Variants in CACNA1H observed in about 807,000 individuals in gnomAD.
The protein encoded by CACNA1H is calcium voltage-gated channel subunit alpha1 H.
CACNA1H carries 149 observed loss-of-function variants against 192.5 expected under a neutral mutation model. The ratio of observed to expected loss-of-function variants is 0.77; its 90% CI spans 0.68 to 0.89. The LOEUF (loss-of-function observed/expected upper bound fraction) is 0.89. Ranked by LOEUF, CACNA1H falls within the 40% of genes least tolerant of loss-of-function variation. CACNA1H has a pLI of 0.00. For synonymous variants in CACNA1H, 2,202 were observed against 1,475.2 expected, an observed-to-expected ratio of 1.49 and a Z score of -11.29; for missense variants, 4,257 against 3,423.5, an observed-to-expected ratio of 1.24 and a Z score of -6.08.
intron 19 of CACNA1H, 33 bp downstream of exon 19, chr16:1,210,526 C>G (rs774661206): frequency 1.2e-6 from 2 of 1,610,884 alleles, no homozygotes; most frequent in Non-Finnish European, 1.7e-6. Flanking sequence ...CCCGGGCCAC[C>G]ACGACCCCCA....
chr16:1,179,206 C>T (rs1432587801), intron 2 of CACNA1H, among the ~76,000 whole-genome samples: 2 of 152,196 alleles, frequency 1.3e-5, no homozygotes, highest in Non-Finnish European at 2.9e-5. Context: ...TTATCTGACG[C>T]GCCTCCCGGG....
At position 1,183,781 on chromosome 16, in the gene CACNA1H, C is replaced by T. The variant is rs559782210; in HGVS notation, c.300-11191C>T. 6.7e-4 allele frequency among the ~76,000 whole-genome samples: 102 copies of T among 152,360 alleles called. 1 individual carries two copies. The highest frequency in any genetic ancestry group is 2.1e-4 in the South Asian group (1 of 4,824). On this transcript the variant is annotated intron_variant, in intron 2 of 34. Coordinates refer to ENST00000348261, the MANE Select transcript of CACNA1H (RefSeq NM_021098.3). ...GCACATGCGTATACACGGGTGAGCA[C>T]GTGACCTGGCGTGTTGCTCCCCCAG... is the stretch of plus-strand genomic sequence containing the variant.
Position 1,219,111 on chromosome 16 carries a change from G to C in CACNA1H, c.6029G>C (p.Ser2010Thr). Residue 2010 changes from serine (S) to threonine (T), a missense_variant, in exon 34 of 35, where the codon AGC becomes ACC. Ser to Thr is a moderately conservative substitution (Grantham distance 58). Transcript: ENST00000348261. ...PRGTARSPSL[S>T]RLLCRQEAVH... ...GGCACAGCCCGCTCCCCCAGTCTCA[G>C]CCGGCTGCTCTGCAGACAGGTAGGA... 1 of 1,544,106 alleles carries C rather than the reference G, an allele frequency of 6.5e-7. No homozygotes were observed. The highest frequency in any genetic ancestry group is 8.7e-7 in the Non-Finnish European group (1 of 1,143,428).
chr16:1,156,105 C>T (rs1962338008), intron 2 of CACNA1H, among the ~76,000 whole-genome samples: 1 of 152,202 alleles, frequency 6.6e-6, no homozygotes, highest in Non-Finnish European at 1.5e-5. Context: ...GATGGCATCC[C>T]TTGCTTGGAG....
At position 1,207,114 on chromosome 16, in the gene CACNA1H, TC is replaced by T; in HGVS notation, c.2905del (p.Gln969ArgfsTer3). Reference protein sequence around the residue: ...DSLLWAIVTVFQILTQEDWNV... With the variant: ...DSLLWAIVTVXQILTQEDWNV... ...CTGCTGTGGGCCATCGTCACCGTGTTCCAGGTAGTGCCCGGGGTCCCCGCAG... is the reference window on the plus strand; with the variant it reads ...CTGCTGTGGGCCATCGTCACCGTGTTCAGGTAGTGCCCGGGGTCCCCGCAG... On this transcript the variant is annotated frameshift_variant, in exon 13 of 35. Coordinates refer to ENST00000348261, the MANE Select transcript of CACNA1H (RefSeq NM_021098.3). LOFTEE classifies it high-confidence loss of function. The T allele has an allele frequency of 6.3e-7, 1 of 1,587,854 alleles. No homozygotes were observed. The highest frequency in any genetic ancestry group is 8.6e-7 in the Non-Finnish European group (1 of 1,166,760).
intron 5 of CACNA1H, 138 bp downstream of exon 5, chr16:1,196,161 C>G (rs941105194): frequency 5.9e-6 from 4 of 681,148 alleles, no homozygotes; most frequent in Non-Finnish European, 1.0e-5. Context: ...AGCCCAGACC[C>G]CAGCAGTGGG....
chr16:1,201,323 G>A (rs2141251171), intron 8 of CACNA1H, among the ~76,000 whole-genome samples: 1 of 152,294 alleles, frequency 6.6e-6, no homozygotes, highest in South Asian at 2.1e-4. Context: ...TGCTAAGGAG[G>A]AAACGCACCT....
chr16:1,198,954 C>G, intron 6 of CACNA1H, 180 bp downstream of exon 6: 4 of 603,552 alleles, frequency 6.6e-6, no homozygotes, highest in Non-Finnish European at 8.7e-6. Flanking sequence ...CACCCCCCAT[C>G]ATGGCTCCGC....
At chr16:1,202,926 G>C (rs1054786977) in intron 9 of CACNA1H, among the ~76,000 whole-genome samples, 1 of 152,148 alleles carries the variant, frequency 6.6e-6, no homozygotes, top group Non-Finnish European at 1.5e-5. Context: ...CAGGAAGAGA[G>C]GCTGGCGTGG....
Position 1,153,754 on chromosome 16 carries a change from G to C in CACNA1H, c.17G>C (p.Arg6Pro), listed in dbSNP as rs1184862557. MTEGA[R>P]AADEVRVPLG... ...GCCGCCACCATGACCGAGGGCGCAC[G>C]GGCCGCCGACGAGGTCCGGGTGCCC... Residue 6 changes from arginine (R) to proline (P), a missense_variant, in exon 2 of 35, where the codon CGG (arginine) becomes CCG (proline). Arg to Pro is a moderately radical substitution (Grantham distance 103, BLOSUM62 -2). Transcript: ENST00000348261. 8.2e-7 allele frequency: 1 copy of C among 1,212,950 alleles called. No individual in the cohort carries two copies. The highest frequency in any genetic ancestry group is 1.0e-6 in the Non-Finnish European group (1 of 975,934). The allele number at this position is 1,212,950 out of a possible 1,614,324, so 75.1% of individuals were successfully genotyped here.
chr16:1,212,005 C>T lies in CACNA1H; in HGVS notation c.4626C>T (p.Val1542=). The T allele has an allele frequency of 3.1e-6, 5 of 1,613,574 alleles. No homozygotes were observed. The highest frequency in any genetic ancestry group is 4.2e-6 in the Non-Finnish European group (5 of 1,179,718). Residue 1542 remains valine, a synonymous_variant, in exon 25 of 35, where the codon GTC becomes GTT. Transcript: ENST00000348261. ...ACTTCATCTCCTTCCTGCTCATCGT[C>T]AGCTTCTTCGTGCTCAACATGTTCG... ...LLYFISFLLI[V]SFFVLNMFVG...
chr16:1,204,225 T>G lies in CACNA1H; in HGVS notation c.2218T>G (p.Trp740Gly). 1 of 1,611,658 alleles carries G rather than the reference T, an allele frequency of 6.2e-7. No homozygotes were observed. The highest frequency in any genetic ancestry group is 1.1e-5 in the South Asian group (1 of 90,926). The change falls in exon 10 of 35, where the codon TGG (tryptophan) becomes GGG (glycine). Residue 740 changes from tryptophan (W) to glycine (G), a missense_variant. Transcript: ENST00000348261. ...GCAGGACGTCCGGCACGGTGACCGC[T>G]GGGACCCCACGCGACCACCCCGTGC... ...FTQDVRHGDRWDPTRPPRATD... is the reference protein window; with the variant it reads ...FTQDVRHGDRGDPTRPPRATD...
chr16:1,186,905 G>A (rs535710206), intron 2 of CACNA1H, among the ~76,000 whole-genome samples: 8 of 152,314 alleles, frequency 5.3e-5, no homozygotes, highest in Middle Eastern at 3.4e-3. Flanking sequence ...GAGCTGCCGC[G>A]GTTCTGAGTG....
At chr16:1,197,013 C>T (rs1967063195) in intron 5 of CACNA1H, among the ~76,000 whole-genome samples, 10 of 152,154 alleles carry the variant, frequency 6.6e-5, no homozygotes, top group Admixed American at 6.5e-4. Context: ...GCACTCAGGG[C>T]TTGACCTGCA....
intron 12 of CACNA1H, 61 bp from the exon 13 acceptor site, chr16:1,206,940 C>A: frequency 4.7e-6 from 2 of 424,454 alleles, no homozygotes; most frequent in Non-Finnish European, 8.3e-6. Flanking sequence ...CGCTCCCCCA[C>A]CTTCTTCCGC....
intron 2 of CACNA1H, among the ~76,000 whole-genome samples, chr16:1,178,651 G>T (rs147471463): frequency 3.9e-5 from 6 of 152,142 alleles, no homozygotes; most frequent in African/African-American, 1.4e-4. Flanking sequence ...CCATCCAGCA[G>T]ACCAGCATCC....
At chr16:1,156,178 C>T (rs1017658511) in intron 2 of CACNA1H, among the ~76,000 whole-genome samples, 8 of 152,214 alleles carry the variant, frequency 5.3e-5, no homozygotes, top group Admixed American at 2.0e-4. Context: ...ACCTCTGGCA[C>T]GCTTTGGCTC....
intron 22 of CACNA1H, 52 bp downstream of exon 22, chr16:1,211,346 C>T: frequency 6.2e-7 from 1 of 1,609,664 alleles, no homozygotes; most frequent in South Asian, 1.1e-5. Flanking sequence ...ACAGGGTCTG[C>T]CTTCCCAGCG....
intron 17 of CACNA1H, among the ~76,000 whole-genome samples, chr16:1,209,643 G>A (rs1026003216): frequency 3.9e-5 from 6 of 152,222 alleles, no homozygotes; most frequent in East Asian, 1.9e-4. Context: ...AACGCTCCAC[G>A]CACGGCCTGC....
Sources: allele counts gnomAD v4.1 joint callset (sites outside exome capture counted in the v4.1 genomes callset), GRCh38; gene constraint gnomAD v4.1.1; transcripts MANE v1.5; gene names NCBI Gene and HGNC (gene_info 2026-07-23, HGNC 2026-07-21).